Variants in BICD1 observed in about 807,000 individuals in gnomAD.
The protein encoded by BICD1 is BICD cargo adaptor 1.
A neutral mutation model predicts 92.5 loss-of-function variants in BICD1; 35 were observed. The observed-to-expected ratio is 0.38, with a 90% CI of 0.29 to 0.50. BICD1 has a LOEUF of 0.50. Among genes scored for constraint, BICD1 ranks in the 20% least tolerant of loss-of-function variants. BICD1 has a pLI of 0.93. For missense variants in BICD1, 950 were observed against 1,189.8 expected (o/e 0.80, Z 2.97); for synonymous variants, 429 against 465.1 (o/e 0.92, Z 1.00).
rs1298745707 is a variant in BICD1 at position 32,380,955 on chromosome 12, G to T, written c.*3328G>T. ...ATTTTTAACACTGGGAAATTAACGT[G>T]GAAATTGATAATCATAAAGAATATT... On this transcript the variant is annotated 3_prime_UTR_variant, in exon 10 of 10. Coordinates refer to ENST00000652176, the MANE Select transcript of BICD1 (RefSeq NM_001714.4). The T allele has an allele frequency of 3.3e-5, 5 of 151,970 alleles. No individual in the cohort carries two copies. Among genetic ancestry groups the T allele is most frequent in the African/African-American group, 1.2e-4 (5 of 41,436 alleles). 9.4% of individuals were successfully genotyped at this position (151,970 alleles called of 1,614,324 possible).
At chr12:32,339,705 T>C (rs1459425665) in intron 8 of BICD1, 30 of 985,282 alleles carry the variant, frequency 3.0e-5, no homozygotes, top group Non-Finnish European at 3.6e-5. Context: ...AAGGAATCCC[T>C]GCATGTGAGT....
chr12:32,258,597 T>A (rs972481467), intron 2 of BICD1, among the ~76,000 whole-genome samples: 2 of 151,616 alleles, frequency 1.3e-5, no homozygotes, highest in African/African-American at 4.9e-5. Context: ...ATATTTATCG[T>A]ATACAAGACA....
intron 1 of BICD1, among the ~76,000 whole-genome samples, chr12:32,130,493 A>C (rs1394230416): frequency 2.0e-5 from 3 of 152,148 alleles, no homozygotes; most frequent in African/African-American, 7.2e-5. Context: ...GCCCGGCCCC[A>C]AAATTTTTAA....
chr12:32,195,854 G>A (rs1279406028), intron 1 of BICD1, among the ~76,000 whole-genome samples: 2 of 152,012 alleles, frequency 1.3e-5, no homozygotes, highest in Non-Finnish European at 1.5e-5. Context: ...CTAAAGAATG[G>A]GACAAAATAT....
At position 32,338,919 on chromosome 12, in the gene BICD1, A is replaced by G; in HGVS notation, c.2704A>G (p.Ser902Gly). 3 of 1,608,340 alleles carry G rather than the reference A, an allele frequency of 1.9e-6. No homozygotes were observed. The highest frequency in any genetic ancestry group is 2.5e-6 in the Non-Finnish European group (3 of 1,177,724). The part of the protein sequence containing the change: ...SFLLKGPPSM[S>G]EFIQGHRLSK... ...TCTTCTGAAGGGCCCCCCTTCCATG[A>G]GTGAATTCATCCAAGGGCACCGGCT... Residue 902 changes from serine to glycine, a missense_variant, in exon 8 of 10, where the codon AGT becomes GGT. By Grantham distance (56) the Ser-to-Gly change is moderately conservative (BLOSUM62 0). Transcript: ENST00000652176.
intron 1 of BICD1, among the ~76,000 whole-genome samples, chr12:32,187,706 A>T (rs1423495445): frequency 6.6e-6 from 1 of 152,134 alleles, no homozygotes; most frequent in Non-Finnish European, 1.5e-5. Context: ...AAATGATTCT[A>T]TGGAAACAGC....
chr12:32,225,713 C>T (rs543374318), intron 2 of BICD1, among the ~76,000 whole-genome samples: 13 of 144,950 alleles, frequency 9.0e-5, no homozygotes, highest in East Asian at 6.8e-4. Flanking sequence ...CTCCACCTTC[C>T]GGGTTCAAGT....
At chr12:32,120,716 A>G (rs879645640) in intron 1 of BICD1, among the ~76,000 whole-genome samples, 1 of 151,886 alleles carries the variant, frequency 6.6e-6, no homozygotes, top group Non-Finnish European at 1.5e-5. Context: ...AGCTGGAGAT[A>G]CTATTGTCTT....
chr12:32,252,094 ATT>A, intron 2 of BICD1, among the ~76,000 whole-genome samples: 1 of 110,394 alleles, frequency 9.1e-6, no homozygotes, highest in South Asian at 2.6e-4. Flanking sequence ...ATAAATATAT[ATT>A]TATAATAAAT....
rs148442990 is a variant in BICD1, at chr12:32,293,445, G to A, written c.427-549G>A. Among the ~76,000 whole-genome samples, 673 of 151,064 alleles carry A rather than the reference G, an allele frequency of 4.5e-3. 1 individual carries two copies. The highest frequency in any genetic ancestry group is 0.016 in the African/African-American group (645 of 41,116). Reference sequence around the variant, plus strand: ...TGACTCTCCTGCCTCAGCCTCCCAAGTAGCTAGGATTACAGGCGCCCACCA... The same window carrying A: ...TGACTCTCCTGCCTCAGCCTCCCAAATAGCTAGGATTACAGGCGCCCACCA... On this transcript the variant is annotated intron_variant, in intron 2 of 9. Coordinates refer to ENST00000652176, the MANE Select transcript of BICD1 (RefSeq NM_001714.4).
intron 8 of BICD1, among the ~76,000 whole-genome samples, chr12:32,346,745 C>G (rs979530212): frequency 1.4e-5 from 2 of 145,174 alleles, no homozygotes; most frequent in African/African-American, 5.0e-5. Context: ...TATGCACTTA[C>G]AGCATATCTT....
chr12:32,271,614 GT>G (rs1255235771), intron 2 of BICD1, among the ~76,000 whole-genome samples: 1 of 152,098 alleles, frequency 6.6e-6, no homozygotes, highest in Non-Finnish European at 1.5e-5. Context: ...CACTAACCTT[GT>G]GTGGAAAATG....
intron 8 of BICD1, chr12:32,339,298 G>A (rs968103015): frequency 1.8e-5 from 19 of 1,042,612 alleles, no homozygotes; most frequent in African/African-American, 3.4e-5. Context: ...AGCTCATGGC[G>A]ATTCCATCTT....
chr12:32,184,871 A>G (rs563565658), intron 1 of BICD1, among the ~76,000 whole-genome samples: 138 of 152,358 alleles, frequency 9.1e-4, no homozygotes, highest in Non-Finnish European at 1.7e-3. Context: ...CTTATTAGCT[A>G]TATGCCTACA....
intron 8 of BICD1, among the ~76,000 whole-genome samples, chr12:32,351,202 G>T (rs1938856926): frequency 1.3e-5 from 2 of 148,212 alleles, no homozygotes; most frequent in East Asian, 2.0e-4. Context: ...TGAAAATTTT[G>T]TGGCCAGGTG....
chr12:32,219,051 C>G lies in BICD1; in HGVS notation c.426+2592C>G, dbSNP rs550008056. Among the ~76,000 whole-genome samples, 7 of 152,248 alleles carry G rather than the reference C, an allele frequency of 4.6e-5. No individual in the cohort carries two copies. In the South Asian group the frequency reaches 1.0e-3, roughly 23 times the overall value. On this transcript the variant is annotated intron_variant, in intron 2 of 9. Coordinates refer to ENST00000652176, the MANE Select transcript of BICD1 (RefSeq NM_001714.4). ...TTATTTTTTGTACTATAAGCATTAA[C>G]TGATGTACAGTGATTGGAAGAGAGA...
chr12:32,108,723 T>C (rs775406884), intron 1 of BICD1: 6 of 671,018 alleles, frequency 8.9e-6, no homozygotes, highest in African/African-American at 1.8e-5. Context: ...TTTATACTTT[T>C]AGATATGTCT....
intron 1 of BICD1, among the ~76,000 whole-genome samples, chr12:32,184,340 G>A (rs190526743): frequency 2.3e-3 from 352 of 152,274 alleles, no homozygotes; most frequent in Middle Eastern, 6.8e-3. Flanking sequence ...AGGCTGGAGT[G>A]CAGTGGCGCG....
At chr12:32,227,101 C>G (rs748238188) in intron 2 of BICD1, among the ~76,000 whole-genome samples, 7 of 152,088 alleles carry the variant, frequency 4.6e-5, no homozygotes, top group Non-Finnish European at 8.8e-5. Context: ...AGAGCCTCCT[C>G]CATGTAAAGC....
Sources: gnomAD v4.1 joint callset for allele counts (sites outside exome capture counted in the v4.1 genomes callset) on GRCh38, gnomAD v4.1.1 for gene constraint, MANE v1.5 for transcripts, NCBI Gene and HGNC (gene_info 2026-07-23, HGNC 2026-07-21) for gene names.